ATRNL1: variants seen among roughly 807,000 people sequenced by gnomAD.
ATRNL1 encodes attractin like 1, also known as attractin-like protein 1.
ATRNL1 carries 95 observed loss-of-function variants against 182.7 expected under a neutral mutation model. That is an observed-to-expected ratio of 0.52 (90% CI 0.44 to 0.62). The LOEUF (loss-of-function observed/expected upper bound fraction) is 0.62. Ranked by LOEUF, ATRNL1 falls within the 20% of genes least tolerant of loss-of-function variation. ATRNL1 has a pLI of 0.00. For missense variants in ATRNL1, 1,471 were observed against 1,679.5 expected (o/e 0.88, Z 2.17); for synonymous variants, 576 against 568.3 (o/e 1.01, Z -0.19).
chr10:115,405,251 A>G (rs1413842114), intron 20 of ATRNL1, among the ~76,000 whole-genome samples: 1 of 152,226 alleles, frequency 6.6e-6, no homozygotes, highest in East Asian at 1.9e-4. Flanking sequence ...AAGTTTTAAC[A>G]TTTAAATGTA....
intron 26 of ATRNL1, among the ~76,000 whole-genome samples, chr10:115,639,196 A>T (rs1859077095): frequency 2.0e-5 from 3 of 152,196 alleles, no homozygotes; most frequent in African/African-American, 7.2e-5. Flanking sequence ...AATGTCAGCA[A>T]ATTTCTCTTT....
Position 115,399,903 on chromosome 10 carries a change from C to T in ATRNL1, c.3269+5151C>T, listed in dbSNP as rs376149600. Among the ~76,000 whole-genome samples the T allele has an allele frequency of 9.0e-4, 137 of 151,938 alleles. 2 individuals carry two copies. The South Asian group carries it at 0.021, about 23-fold the overall frequency. On this transcript the variant is annotated intron_variant, in intron 20 of 28. Coordinates refer to ENST00000355044, the MANE Select transcript of ATRNL1 (RefSeq NM_207303.4). ...GACAAATATTTCATGATGAAGGCACCGAAAGCAATTGTAACAAAAGCAAAA... is the reference window on the plus strand; with the variant it reads ...GACAAATATTTCATGATGAAGGCACTGAAAGCAATTGTAACAAAAGCAAAA...
At chr10:115,779,740 C>CA (rs2134185770) in intron 27 of ATRNL1, among the ~76,000 whole-genome samples, 1 of 152,270 alleles carries the variant, frequency 6.6e-6, no homozygotes, top group African/African-American at 2.4e-5. Context: ...TTAGCTTTTA[C>CA]AGGAAATACT....
intron 27 of ATRNL1, among the ~76,000 whole-genome samples, chr10:115,779,013 C>T (rs116333513): frequency 0.013 from 2,026 of 152,112 alleles, 40 homozygotes; most frequent in African/African-American, 0.045. Context: ...AATAAAAAGC[C>T]GACTAGTTTT....
At chr10:115,125,631 T>C (rs890091536) in intron 3 of ATRNL1, among the ~76,000 whole-genome samples, 2 of 152,148 alleles carry the variant, frequency 1.3e-5, no homozygotes, top group Non-Finnish European at 2.9e-5. Context: ...TCGCAATCCA[T>C]ATTCAACTCA....
intron 5 of ATRNL1, among the ~76,000 whole-genome samples, chr10:115,134,087 G>A (rs1387519795): frequency 1.9e-4 from 29 of 152,198 alleles, no homozygotes; most frequent in Non-Finnish European, 2.9e-4. Flanking sequence ...CAGAAAGCAG[G>A]AAAGATCTAA....
intron 19 of ATRNL1, among the ~76,000 whole-genome samples, chr10:115,350,363 A>G (rs75466700): frequency 6.7e-6 from 1 of 148,906 alleles, no homozygotes; most frequent in African/African-American, 2.5e-5. Flanking sequence ...AAAAAAAAAA[A>G]AGAATTTCCT....
intron 6 of ATRNL1, among the ~76,000 whole-genome samples, chr10:115,162,725 G>A (rs1359409934): frequency 6.7e-6 from 1 of 150,232 alleles, no homozygotes; most frequent in African/African-American, 2.5e-5. Context: ...TGAGCCTGAG[G>A]CACCATATCA....
At chr10:115,199,573 T>A (rs1848482222) in intron 8 of ATRNL1, among the ~76,000 whole-genome samples, 1 of 151,848 alleles carries the variant, frequency 6.6e-6, no homozygotes, top group Admixed American at 6.6e-5. Flanking sequence ...AAAAAAAAAA[T>A]TCAATAGTTA....
intron 26 of ATRNL1, among the ~76,000 whole-genome samples, chr10:115,579,408 A>G (rs1255019773): frequency 6.6e-6 from 1 of 151,760 alleles, no homozygotes; most frequent in Non-Finnish European, 1.5e-5. Context: ...TGTCGTCTTG[A>G]TAGAATAATC....
intron 24 of ATRNL1, among the ~76,000 whole-genome samples, chr10:115,499,713 T>G (rs1348586137): frequency 6.6e-6 from 1 of 152,178 alleles, no homozygotes; most frequent in Non-Finnish European, 1.5e-5. Context: ...TCATTTGAGT[T>G]TCTGATTAAC....
At chr10:115,917,477 A>G (rs1003531678) in intron 28 of ATRNL1, among the ~76,000 whole-genome samples, 156 of 8,130 alleles carry the variant, frequency 0.019, 1 homozygote, top group African/African-American at 0.022. Flanking sequence ...CTCAAAAAAA[A>G]AAAAAAAAGA....
chr10:115,843,308 A>T (rs1196061003), intron 27 of ATRNL1, among the ~76,000 whole-genome samples: 1 of 152,124 alleles, frequency 6.6e-6, no homozygotes, highest in East Asian at 1.9e-4. Flanking sequence ...CATAGGGGAT[A>T]TAGGGATGAA....
At chr10:115,440,037 TC>T in intron 21 of ATRNL1, among the ~76,000 whole-genome samples, 1 of 152,028 alleles carries the variant, frequency 6.6e-6, no homozygotes, top group Non-Finnish European at 1.5e-5. Flanking sequence ...CTCATGGATA[TC>T]TATTTAATTT....
intron 28 of ATRNL1, among the ~76,000 whole-genome samples, chr10:115,880,905 T>A (rs2134440090): frequency 6.6e-6 from 1 of 152,312 alleles, no homozygotes; most frequent in African/African-American, 2.4e-5. Flanking sequence ...TGTTTTCCCC[T>A]TGAGAAACCA....
At chr10:115,934,756 C>T (rs1288360141) in intron 28 of ATRNL1, among the ~76,000 whole-genome samples, 3 of 152,180 alleles carry the variant, frequency 2.0e-5, no homozygotes, top group African/African-American at 7.2e-5. Context: ...CTCTCTACTC[C>T]TTAAAATCCT....
chr10:115,204,360 CT>C (rs1353824513), intron 8 of ATRNL1, among the ~76,000 whole-genome samples: 1 of 151,982 alleles, frequency 6.6e-6, no homozygotes, highest in Non-Finnish European at 1.5e-5. Context: ...GCATCCTTGT[CT>C]TGTTCTTAAT....
At chr10:115,497,076 A>AT (rs1329338646) in intron 24 of ATRNL1, among the ~76,000 whole-genome samples, 59 of 151,890 alleles carry the variant, frequency 3.9e-4, no homozygotes, top group African/African-American at 1.2e-3. Context: ...TTTAAAAAAC[A>AT]TTTTTTTTCT....
chr10:115,613,727 A>G (rs781956885), intron 26 of ATRNL1, among the ~76,000 whole-genome samples: 10 of 151,672 alleles, frequency 6.6e-5, no homozygotes, highest in Non-Finnish European at 1.5e-4. Flanking sequence ...TGGGTTTTCT[A>G]TTTTTTCTTG....
Sources: gnomAD v4.1 joint callset for allele counts (sites outside exome capture counted in the v4.1 genomes callset) on GRCh38, gnomAD v4.1.1 for gene constraint, MANE v1.5 for transcripts, NCBI Gene and HGNC (gene_info 2026-07-23, HGNC 2026-07-21) for gene names.